IKZF2: variants seen among roughly 807,000 people sequenced by gnomAD.
IKZF2 encodes zinc finger protein Helios.
Under a neutral mutation model 49.2 loss-of-function variants are expected in IKZF2, and 15 were observed. The observed-to-expected ratio is 0.30, with a 90% CI of 0.20 to 0.47. The LOEUF (loss-of-function observed/expected upper bound fraction) is 0.47, where lower values mean the gene tolerates loss of function less well. Ranked by LOEUF, IKZF2 falls within the 20% of genes least tolerant of loss-of-function variation. IKZF2 has a pLI of 1.00. For missense variants in IKZF2, 567 were observed against 664.6 expected (o/e 0.85, Z 1.61); for synonymous variants, 227 against 221.4 (o/e 1.03, Z -0.23).
intron 4 of IKZF2, among the ~76,000 whole-genome samples, chr2:213,071,913 C>T (rs975359808): frequency 6.6e-6 from 1 of 151,898 alleles, no homozygotes; most frequent in African/African-American, 2.4e-5. Context: ...TAAAATGAAA[C>T]ACACACATAC....
At chr2:213,065,352 A>G (rs1702072042) in intron 4 of IKZF2, among the ~76,000 whole-genome samples, 1 of 152,076 alleles carries the variant, frequency 6.6e-6, no homozygotes, top group South Asian at 2.1e-4. Flanking sequence ...GGTCCTTGAG[A>G]GGAAATACTG....
chr2:213,039,727 C>A (rs751907517), intron 6 of IKZF2, among the ~76,000 whole-genome samples: 6 of 151,988 alleles, frequency 3.9e-5, no homozygotes, highest in African/African-American at 7.2e-5. Context: ...AAGTGATATA[C>A]ACAAATAAAT....
intron 5 of IKZF2, among the ~76,000 whole-genome samples, chr2:213,053,515 G>A (rs1173607902): frequency 2.6e-5 from 4 of 152,104 alleles, no homozygotes. Flanking sequence ...TATGTTGGGT[G>A]GAACAACCTA....
At chr2:213,107,481 T>G (rs561201598) in intron 4 of IKZF2, among the ~76,000 whole-genome samples, 2 of 152,322 alleles carry the variant, frequency 1.3e-5, no homozygotes, top group African/African-American at 4.8e-5. Context: ...TAGAATTGTC[T>G]CTAAATGTTT....
intron 4 of IKZF2, among the ~76,000 whole-genome samples, chr2:213,102,474 A>T (rs1706805106): frequency 6.6e-6 from 1 of 152,174 alleles, no homozygotes; most frequent in African/African-American, 2.4e-5. Context: ...CAATTCACCA[A>T]GACAAGTTGG....
chr2:213,129,648 G>T (rs1297989706), intron 4 of IKZF2, among the ~76,000 whole-genome samples: 2 of 152,060 alleles, frequency 1.3e-5, no homozygotes, highest in African/African-American at 4.8e-5. Flanking sequence ...TTAAAGCAAT[G>T]AATTGTTATG....
chr2:213,103,867 A>G (rs989600368), intron 4 of IKZF2, among the ~76,000 whole-genome samples: 5 of 152,210 alleles, frequency 3.3e-5, no homozygotes, highest in Non-Finnish European at 7.4e-5. Context: ...CAGATTTATA[A>G]GAAAATGTTA....
At chr2:213,032,695 C>CCT (rs1245870346) in intron 6 of IKZF2, among the ~76,000 whole-genome samples, 1 of 152,154 alleles carries the variant, frequency 6.6e-6, no homozygotes, top group Non-Finnish European at 1.5e-5. Flanking sequence ...AGGCTACAGT[C>CCT]AGTTGTGATT....
In IKZF2 at chr2:213,136,059, A is replaced by G. The variant is rs565774519; in HGVS notation, c.139+11649T>C. Among the ~76,000 whole-genome samples the G allele has an allele frequency of 1.3e-3, 193 of 150,106 alleles. 1 individual carries two copies. Among genetic ancestry groups the G allele is most frequent in the East Asian group, 2.5e-3 (13 of 5,110 alleles). ...GCGAGACTCCGTTTCAAAAAAAAAA[A>G]AAAGAAAGAAAGAAAAAAGAAAAGA... is the stretch of plus-strand genomic sequence containing the variant. On this transcript the variant is annotated intron_variant, in intron 4 of 8. Coordinates refer to ENST00000434687, the MANE Select transcript of IKZF2 (RefSeq NM_001387220.1).
intron 4 of IKZF2, among the ~76,000 whole-genome samples, chr2:213,099,756 G>A (rs1478060842): frequency 1.3e-5 from 2 of 152,124 alleles, no homozygotes; most frequent in Non-Finnish European, 2.9e-5. Flanking sequence ...GTGACCATCA[G>A]CACATTTTTA....
At chr2:213,101,216 TA>T (rs140407967) in intron 4 of IKZF2, among the ~76,000 whole-genome samples, 1,961 of 152,038 alleles carry the variant, frequency 0.013, 39 homozygotes, top group African/African-American at 0.045. Context: ...AAGCCTGCTT[TA>T]AAAAAAATCT....
intron 6 of IKZF2, among the ~76,000 whole-genome samples, chr2:213,024,300 G>A (rs1257777180): frequency 6.6e-6 from 1 of 152,128 alleles, no homozygotes; most frequent in Non-Finnish European, 1.5e-5. Flanking sequence ...TTGCTCTGGA[G>A]ACAATCTATC....
At chr2:213,043,362 T>C (rs1699850483) in intron 6 of IKZF2, among the ~76,000 whole-genome samples, 1 of 152,158 alleles carries the variant, frequency 6.6e-6, no homozygotes, top group Non-Finnish European at 1.5e-5. Context: ...GATGAGAAAT[T>C]TTTAAGTCTA....
intron 8 of IKZF2, among the ~76,000 whole-genome samples, chr2:213,010,676 T>A (rs1235411902): frequency 6.6e-6 from 1 of 151,902 alleles, no homozygotes; most frequent in African/African-American, 2.4e-5. Context: ...CATACATGTG[T>A]GTGTGAGACC....
intron 4 of IKZF2, among the ~76,000 whole-genome samples, chr2:213,144,376 A>G (rs186143667): frequency 6.6e-6 from 1 of 152,090 alleles, no homozygotes; most frequent in Admixed American, 6.6e-5. Context: ...AAAAATAGAT[A>G]AGAAAAATAA....
At chr2:213,032,550 A>T (rs534637479) in intron 6 of IKZF2, among the ~76,000 whole-genome samples, 4 of 152,182 alleles carry the variant, frequency 2.6e-5, no homozygotes, top group Non-Finnish European at 5.9e-5. Flanking sequence ...CCTGGGCAAC[A>T]TGATGAAATC....
intron 4 of IKZF2, among the ~76,000 whole-genome samples, chr2:213,113,809 G>C (rs573536836): frequency 6.6e-6 from 1 of 152,210 alleles, no homozygotes; most frequent in East Asian, 1.9e-4. Flanking sequence ...AAATGTGCCT[G>C]GGATTATATT....
intron 4 of IKZF2, 36 bp downstream of exon 4, chr2:213,147,672 A>G: frequency 6.8e-7 from 1 of 1,477,226 alleles, no homozygotes; most frequent in Non-Finnish European, 9.5e-7. Flanking sequence ...GGAGAGACAC[A>G]CACACACAAA....
At chr2:213,086,285 T>C (rs1278742879) in intron 4 of IKZF2, among the ~76,000 whole-genome samples, 1 of 152,146 alleles carries the variant, frequency 6.6e-6, no homozygotes, top group Non-Finnish European at 1.5e-5. Flanking sequence ...TTTGAATAGT[T>C]CATATCCTGC....
Sources: gnomAD v4.1 joint callset for allele counts (sites outside exome capture counted in the v4.1 genomes callset) on GRCh38, gnomAD v4.1.1 for gene constraint, MANE v1.5 for transcripts, NCBI Gene and HGNC (gene_info 2026-07-23, HGNC 2026-07-21) for gene names.